The following PIP4K2A variants were observed in gnomAD, a reference collection of about 807,000 sequenced individuals.
The protein encoded by PIP4K2A is phosphatidylinositol-5-phosphate 4-kinase type 2 alpha, also known as phosphatidylinositol 5-phosphate 4-kinase type-2 alpha.
Under a neutral mutation model 42.9 loss-of-function variants are expected in PIP4K2A, and 14 were observed. The ratio of observed to expected loss-of-function variants is 0.33; its 90% CI spans 0.22 to 0.51. The LOEUF (loss-of-function observed/expected upper bound fraction) is 0.51. Among genes scored for constraint, PIP4K2A ranks in the 20% least tolerant of loss-of-function variants. PIP4K2A has a pLI of 0.97. For missense variants in PIP4K2A, 434 were observed against 519.8 expected, an observed-to-expected ratio of 0.83 and a Z score of 1.61; for synonymous variants, 192 against 192.2, an observed-to-expected ratio of 1.00 and a Z score of 0.01.
intron 3 of PIP4K2A, among the ~76,000 whole-genome samples, chr10:22,600,491 G>A (rs760779174): frequency 8.5e-5 from 13 of 152,258 alleles, no homozygotes; most frequent in Middle Eastern, 3.4e-3. Flanking sequence ...AGGGGTGAGT[G>A]AGTATCTCAT....
At position 22,665,570 on chromosome 10, in the gene PIP4K2A, T is replaced by C. The variant is rs111983929; in HGVS notation, c.144+48613A>G. ...GATCCTCCTGCCTCAGCCTCCCAAG[T>C]AGTTGAAACTACAGAGGTGCACCAC... On this transcript the variant is annotated intron_variant, in intron 1 of 9. Coordinates refer to ENST00000376573, the MANE Select transcript of PIP4K2A (RefSeq NM_005028.5). 4.0e-5 allele frequency among the ~76,000 whole-genome samples: 6 copies of C among 150,272 alleles called. 1 individual carries two copies. The highest frequency in any genetic ancestry group is 1.5e-4 in the African/African-American group (6 of 40,864).
rs113994364 is a variant in PIP4K2A at position 22,702,155 on chromosome 10, G to C, written c.144+12028C>G. Among the ~76,000 whole-genome samples the C allele has an allele frequency of 1.7e-3, 252 of 152,324 alleles. 2 individuals are homozygous for C. Among genetic ancestry groups the C allele is most frequent in the African/African-American group, 5.8e-3 (242 of 41,578 alleles). On this transcript the variant is annotated intron_variant, in intron 1 of 9. Coordinates refer to ENST00000376573, the MANE Select transcript of PIP4K2A (RefSeq NM_005028.5). ...AAGACTTGAAGAATGTTCCCTGAAT[G>C]ACTATCCAAGGAAGTGAGCAGCTCA... is the stretch of plus-strand genomic sequence containing the variant.
chr10:22,538,631 C>T (rs1028041752), intron 9 of PIP4K2A, among the ~76,000 whole-genome samples: 2 of 152,204 alleles, frequency 1.3e-5, no homozygotes, highest in Non-Finnish European at 2.9e-5. Context: ...AGGTGAGCAT[C>T]AGAATGACCA....
intron 6 of PIP4K2A, among the ~76,000 whole-genome samples, chr10:22,554,936 C>T (rs899893045): frequency 1.3e-5 from 2 of 152,218 alleles, no homozygotes; most frequent in Admixed American, 6.5e-5. Context: ...CAGGCTAGCA[C>T]AGGCAGGGCT....
intron 1 of PIP4K2A, among the ~76,000 whole-genome samples, chr10:22,650,418 G>T (rs994411426): frequency 6.6e-6 from 1 of 152,152 alleles, no homozygotes; most frequent in African/African-American, 2.4e-5. Flanking sequence ...ACTACACCCA[G>T]CTAATTTTTG....
At chr10:22,552,936 C>A (rs1374023530) in intron 6 of PIP4K2A, among the ~76,000 whole-genome samples, 2 of 151,988 alleles carry the variant, frequency 1.3e-5, no homozygotes, top group African/African-American at 4.8e-5. Context: ...TGACAGACCC[C>A]CGACAAGGCA....
chr10:22,568,681 G>A (rs1299086301), intron 5 of PIP4K2A, among the ~76,000 whole-genome samples: 1 of 152,148 alleles, frequency 6.6e-6, no homozygotes, highest in Non-Finnish European at 1.5e-5. Flanking sequence ...GGAGGCCGAC[G>A]GGGAGGCTTT....
intron 4 of PIP4K2A, among the ~76,000 whole-genome samples, chr10:22,577,123 A>C (rs1038328140): frequency 6.6e-6 from 1 of 151,788 alleles, no homozygotes; most frequent in Non-Finnish European, 1.5e-5. Context: ...CACTTAAAAA[A>C]TACGTATTGA....
At chr10:22,686,640 A>T (rs553611126) in intron 1 of PIP4K2A, among the ~76,000 whole-genome samples, 210 of 151,652 alleles carry the variant, frequency 1.4e-3, no homozygotes, top group African/African-American at 4.5e-3. Flanking sequence ...AGTTAAAAAA[A>T]TTTTTTTTTA....
chr10:22,665,429 G>A (rs1030557617), intron 1 of PIP4K2A, among the ~76,000 whole-genome samples: 2 of 152,010 alleles, frequency 1.3e-5, no homozygotes, highest in Admixed American at 6.6e-5. Context: ...CACTACTGAA[G>A]GTCATTCACT....
At position 22,535,808 on chromosome 10, in the gene PIP4K2A, C is replaced by T; in HGVS notation, c.*1393G>A. ...TAAAAACAATCAGCACAGTTTAGGG[C>T]AATGAACTTTCATAAACCAGACTGG... On this transcript the variant is annotated 3_prime_UTR_variant, in exon 10 of 10. Transcript: ENST00000376573. 1 of 281,578 alleles carries T rather than the reference C, an allele frequency of 3.6e-6. No homozygotes were observed. Among genetic ancestry groups the T allele is most frequent in the East Asian group, 5.7e-5 (1 of 17,554 alleles). The allele number at this position is 281,578 out of a possible 1,614,324, so 17.4% of individuals were successfully genotyped here. A position where few individuals can be genotyped will look rare whatever the true frequency, so the allele number is the denominator to read the frequency against.
At chr10:22,686,773 AT>A (rs1418671146) in intron 1 of PIP4K2A, among the ~76,000 whole-genome samples, 8 of 152,082 alleles carry the variant, frequency 5.3e-5, no homozygotes, top group African/African-American at 1.9e-4. Context: ...CCCAGCCTCT[AT>A]TTTTTTCTTT....
rs117434324 is a variant in PIP4K2A, at chr10:22,568,916, C to T, written c.640-1027G>A. 6.5e-4 allele frequency: 584 copies of T among 898,588 alleles called. 1 individual carries two copies. Among genetic ancestry groups the T allele is most frequent in the Non-Finnish European group, 9.8e-4 (561 of 570,282 alleles). 55.7% of individuals were successfully genotyped at this position (898,588 alleles called of 1,614,324 possible). On this transcript the variant is annotated intron_variant, in intron 5 of 9. Transcript: ENST00000376573. ...TCCTGCACTGGACACCCCTAACTAT[C>T]GTGAGGTCAGCCAAGCCACTTGCTT...
rs570094337 is a variant in PIP4K2A at position 22,630,498 on chromosome 10, G to T, written c.145-20781C>A. 2.0e-5 allele frequency among the ~76,000 whole-genome samples: 3 copies of T among 152,276 alleles called. No homozygotes were observed. In the South Asian group the frequency reaches 6.2e-4, roughly 32 times the overall value. ...TAGATGACTGTTAAAAACATGACTA[G>T]ATAGGAATCATCTTTCTTATACATG... On this transcript the variant is annotated intron_variant, in intron 1 of 9. Transcript: ENST00000376573.
intron 5 of PIP4K2A, among the ~76,000 whole-genome samples, chr10:22,572,358 A>G (rs1251440042): frequency 6.6e-6 from 1 of 152,218 alleles, no homozygotes; most frequent in Non-Finnish European, 1.5e-5. Flanking sequence ...GTTCATGCCT[A>G]TAATCCCAGC....
chr10:22,683,133 T>C (rs1248498935), intron 1 of PIP4K2A, among the ~76,000 whole-genome samples: 1 of 151,204 alleles, frequency 6.6e-6, no homozygotes, highest in African/African-American at 2.4e-5. Context: ...ATGAAGAAAC[T>C]TTATGTTGGA....
At chr10:22,707,445 G>T (rs891836219) in intron 1 of PIP4K2A, among the ~76,000 whole-genome samples, 1 of 152,134 alleles carries the variant, frequency 6.6e-6, no homozygotes, top group Middle Eastern at 3.2e-3. Context: ...AATAAATTAT[G>T]TACTGGTTCT....
intron 4 of PIP4K2A, among the ~76,000 whole-genome samples, chr10:22,573,966 G>A (rs1287152151): frequency 6.6e-6 from 1 of 152,206 alleles, no homozygotes; most frequent in African/African-American, 2.4e-5. Flanking sequence ...GAGCAGGGGA[G>A]AAGGGGGCAA....
At chr10:22,597,850 G>T (rs568797118) in intron 3 of PIP4K2A, among the ~76,000 whole-genome samples, 1 of 152,084 alleles carries the variant, frequency 6.6e-6, no homozygotes, top group Admixed American at 6.5e-5. Context: ...TTAGAGGGCT[G>T]GTTTAGTCCT....
Sources: allele counts gnomAD v4.1 joint callset (sites outside exome capture counted in the v4.1 genomes callset), GRCh38; gene constraint gnomAD v4.1.1; transcripts MANE v1.5; gene names NCBI Gene and HGNC (gene_info 2026-07-23, HGNC 2026-07-21).